The following CLSPN variants were observed in gnomAD, a reference collection of about 807,000 sequenced individuals.
CLSPN encodes claspin, also known as claspin homolog.
CLSPN carries 85 observed loss-of-function variants against 156.3 expected under a neutral mutation model. That is an observed-to-expected ratio of 0.54 (90% CI 0.46 to 0.65). CLSPN has a LOEUF of 0.65. CLSPN is among the 30% of genes least tolerant of loss of function. The pLI, the probability that CLSPN is intolerant of heterozygous loss-of-function variation, is 0.00. For synonymous variants in CLSPN, 534 were observed against 542.4 expected (o/e 0.98, Z 0.22); for missense variants, 1,407 against 1,554.9 (o/e 0.90, Z 1.60).
Position 35,739,139 on chromosome 1 carries a change from T to C in CLSPN, c.3427A>G (p.Ile1143Val). 1 of 1,614,210 alleles carries C rather than the reference T, an allele frequency of 6.2e-7. No individual in the cohort carries two copies. Among genetic ancestry groups the C allele is most frequent in the Non-Finnish European group, 8.5e-7 (1 of 1,180,042 alleles). ...TTAAAGACAACAACCAAGATACCTATGTTTTTCCATCGAAACTTCCTCATT... is the reference window on the plus strand; with the variant it reads ...TTAAAGACAACAACCAAGATACCTACGTTTTTCCATCGAAACTTCCTCATT... ...GRMRKFRWKN[I>V]DDASQMDLFH... Residue 1143 changes from isoleucine to valine, a missense_variant, in exon 20 of 25, where the codon ATA (isoleucine) becomes GTA (valine). Coordinates refer to ENST00000318121, the MANE Select transcript of CLSPN (RefSeq NM_022111.4).
chr1:35,763,451 G>A (rs1284914617), intron 3 of CLSPN, 130 bp from the exon 4 acceptor site: 1 of 589,440 alleles, frequency 1.7e-6, no homozygotes, highest in Non-Finnish European at 2.7e-6. Flanking sequence ...ATAAAATCTA[G>A]AACATTCTTA....
rs144795256 is a variant in CLSPN at position 35,734,545 on chromosome 1, G to A, written c.*1951C>T. On this transcript the variant is annotated 3_prime_UTR_variant, in exon 25 of 25. Coordinates refer to ENST00000318121, the MANE Select transcript of CLSPN (RefSeq NM_022111.4). ...AAATACAAAAAATTAGCTGGGAGTG[G>A]TGGCAGGTGCCTGTAATCCCTGCTA... 221 of 295,834 alleles carry A rather than the reference G, an allele frequency of 7.5e-4. No individual in the cohort carries two copies. Among genetic ancestry groups the A allele is most frequent in the African/African-American group, 4.8e-3 (211 of 44,182 alleles). The allele number at this position is 295,834 out of a possible 1,614,324, so 18.3% of individuals were successfully genotyped here.
chr1:35,737,531 G>T, intron 22 of CLSPN, 110 bp from the exon 23 acceptor site: 1 of 807,728 alleles, frequency 1.2e-6, no homozygotes, highest in Non-Finnish European at 2.0e-6. Flanking sequence ...TAAAGCCATG[G>T]GAACTCTGTT....
In CLSPN at chr1:35,734,288, T is replaced by C; in HGVS notation, c.*2208A>G. On this transcript the variant is annotated 3_prime_UTR_variant, in exon 25 of 25. Coordinates refer to ENST00000318121, the MANE Select transcript of CLSPN (RefSeq NM_022111.4). ...CATTAAGATTTATTGAAAAACTACA[T>C]ACATATTAAAACATCTTTATACACA... 2.0e-6 allele frequency: 2 copies of C among 985,240 alleles called. No individual in the cohort carries two copies. Among genetic ancestry groups the C allele is most frequent in the East Asian group, 1.1e-4 (1 of 8,816 alleles). 61.0% of individuals were successfully genotyped at this position (985,240 alleles called of 1,614,324 possible).
intron 24 of CLSPN, among the ~76,000 whole-genome samples, chr1:35,726,293 GC>G (rs1387058856): frequency 6.6e-6 from 1 of 151,994 alleles, no homozygotes; most frequent in Non-Finnish European, 1.5e-5. Context: ...GTTAATGGCT[GC>G]TAACAAAAGG....
In CLSPN at chr1:35,743,483, G is replaced by A. The variant is rs1641767659; in HGVS notation, c.3014C>T (p.Ser1005Leu). 3 of 1,613,646 alleles carry A rather than the reference G, an allele frequency of 1.9e-6. No individual in the cohort carries two copies. In the South Asian group the frequency reaches 3.3e-5, roughly 18 times the overall value. Reference protein sequence around the residue: ...EEEFGDFRLVSNDNEFDSDED... With the variant: ...EEEFGDFRLVLNDNEFDSDED... ...ATCACTATCAAACTCATTATCATTT[G>A]AAACAAGCCGAAAGTCTCCAAATTC... Residue 1005 changes from serine (S) to leucine (L), a missense_variant, in exon 17 of 25, where the codon TCA (serine) becomes TTA (leucine). Physicochemically the swap from Ser to Leu is moderately radical, Grantham distance 145 (BLOSUM62 -2). Transcript: ENST00000318121.
At chr1:35,721,423 T>C (rs115159800) in intron 24 of CLSPN, among the ~76,000 whole-genome samples, 26 of 152,326 alleles carry the variant, frequency 1.7e-4, no homozygotes, top group African/African-American at 5.1e-4. Context: ...AGAGTTTCAC[T>C]GTCACCCAGG....
intron 16 of CLSPN, among the ~76,000 whole-genome samples, chr1:35,745,184 G>A (rs1641835001): frequency 6.6e-6 from 1 of 152,012 alleles, no homozygotes; most frequent in Non-Finnish European, 1.5e-5. Context: ...AACACTCTTG[G>A]GGTTTTTCTG....
At chr1:35,767,706 T>C (rs962068976) in intron 1 of CLSPN, among the ~76,000 whole-genome samples, 3 of 152,246 alleles carry the variant, frequency 2.0e-5, no homozygotes, top group Admixed American at 1.3e-4. Context: ...TATCTCATTA[T>C]GTGTATGCGA....
rs1642505807 is a variant in CLSPN at position 35,762,252 on chromosome 1, A to G, written c.822+152T>C. 8.7e-6 allele frequency: 7 copies of G among 801,910 alleles called. No homozygotes were observed. The South Asian group carries it at 1.1e-4, about 12-fold the overall frequency. The allele number at this position is 801,910 out of a possible 1,614,324, so 49.7% of individuals were successfully genotyped here. ...TTCCCAAGTCTCAGAGAATTTGTTC[A>G]ATCCAATCCATATTTTGTTCCTACT... On this transcript the variant is annotated intron_variant, in intron 5 of 24. Coordinates refer to ENST00000318121, the MANE Select transcript of CLSPN (RefSeq NM_022111.4).
At chr1:35,749,911 C>T (rs1642024554) in intron 10 of CLSPN, 100 bp from the exon 11 acceptor site, 8 of 1,322,398 alleles carry the variant, frequency 6.0e-6, no homozygotes, top group Non-Finnish European at 8.1e-6. Context: ...TTACAGATCA[C>T]ATCTTAAATT....
chr1:35,739,064 G>A (rs1374200647), intron 20 of CLSPN, 72 bp downstream of exon 20: 4 of 1,560,248 alleles, frequency 2.6e-6, no homozygotes, highest in East Asian at 4.5e-5. Context: ...CTCCCAAAGT[G>A]TTGGGATTAC....
intron 10 of CLSPN, among the ~76,000 whole-genome samples, chr1:35,750,627 A>G (rs1481528451): frequency 1.3e-5 from 2 of 151,984 alleles, no homozygotes; most frequent in Admixed American, 6.6e-5. Flanking sequence ...TCCTGACCTC[A>G]GGTGATCCAC....
At chr1:35,720,828 C>G in exon 25 of CLSPN, 1 of 1,169,298 alleles carries the variant, frequency 8.6e-7, no homozygotes, top group South Asian at 1.3e-5. Flanking sequence ...ATAAAGTCAT[C>G]AATTGTTTGT....
chr1:35,760,547 A>G lies in CLSPN; in HGVS notation c.1374T>C (p.Gly458=), dbSNP rs745635785. 2.5e-6 allele frequency: 4 copies of G among 1,613,994 alleles called. No homozygotes were observed. The South Asian group carries it at 4.4e-5, about 18-fold the overall frequency. The stretch of plus-strand genomic sequence containing the variant: ...TTTCTTCTGGATTTTGGGGGCCTTC[A>G]CCCTCCAGGGCATGAGGTTCAAATG... ...LVAFEPHALE[G]EGPQNPEETD... Residue 458 remains glycine (G), a synonymous_variant, in exon 8 of 25, where the codon GGT becomes GGC. Coordinates refer to ENST00000318121, the MANE Select transcript of CLSPN (RefSeq NM_022111.4).
chr1:35,745,704 T>G, intron 15 of CLSPN, 142 bp from the exon 16 acceptor site: 1 of 629,802 alleles, frequency 1.6e-6, no homozygotes, highest in Non-Finnish European at 2.8e-6. Flanking sequence ...ATTCAACAAA[T>G]CCTTATTTAG....
At chr1:35,768,442 C>T (rs946609520) in intron 1 of CLSPN, among the ~76,000 whole-genome samples, 2 of 151,192 alleles carry the variant, frequency 1.3e-5, no homozygotes, top group African/African-American at 4.9e-5. Context: ...GTGTCTCACT[C>T]TGTCACCTAG....
exon 25 of CLSPN, chr1:35,720,914 G>A (rs1426216777): frequency 1.2e-6 from 2 of 1,611,974 alleles, no homozygotes; most frequent in South Asian, 2.2e-5. Context: ...TCAAATGAAA[G>A]CCTGAAGAAT....
Position 35,739,399 on chromosome 1 carries a change from C to T in CLSPN, c.3274G>A (p.Glu1092Lys), listed in dbSNP as rs1163078032. Residue 1092 changes from glutamate (E) to lysine (K), a missense_variant, in exon 19 of 25, where the codon GAG becomes AAG. By Grantham distance (56) the Glu-to-Lys change is moderately conservative. Around this residue, in one of 3 missense-constraint regions of CLSPN, gnomAD observed 70 missense variants for 121.5 expected, o/e 0.58. Coordinates refer to ENST00000318121, the MANE Select transcript of CLSPN (RefSeq NM_022111.4). ...DVIDEVLPSDEELQSQIKKIH... is the reference protein window; with the variant it reads ...DVIDEVLPSDKELQSQIKKIH... ...TTCTTGATTTGACTCTGCAGTTCCT[C>T]ATCAGAAGGAAGTACTTCATCAATT... 12 of 1,613,996 alleles carry T rather than the reference C, an allele frequency of 7.4e-6. No homozygotes were observed. The highest frequency in any genetic ancestry group is 2.7e-5 in the African/African-American group (2 of 74,910).
Sources: allele counts gnomAD v4.1 joint callset (sites outside exome capture counted in the v4.1 genomes callset), GRCh38; gene constraint gnomAD v4.1.1; regional missense constraint gnomAD v4.1.1; transcripts MANE v1.5; gene names NCBI Gene and HGNC (gene_info 2026-07-23, HGNC 2026-07-21).